The following CDH18 variants were observed in gnomAD, a reference collection of about 807,000 sequenced individuals.
CDH18 encodes the protein cadherin-18.
A neutral mutation model predicts 67.9 loss-of-function variants in CDH18; 31 were observed. The observed-to-expected ratio is 0.46, with a 90% CI of 0.34 to 0.62. CDH18 has a LOEUF of 0.62. Among genes scored for constraint, CDH18 ranks in the 20% least tolerant of loss-of-function variants. CDH18 has a pLI of 0.01. For missense variants in CDH18, 890 were observed against 975.5 expected, an observed-to-expected ratio of 0.91 and a Z score of 1.17; for synonymous variants, 362 against 347.2, an observed-to-expected ratio of 1.04 and a Z score of -0.48.
chr5:19,507,197 A>G (rs1744341006), intron 10 of CDH18, among the ~76,000 whole-genome samples: 1 of 152,310 alleles, frequency 6.6e-6, no homozygotes, highest in African/African-American at 2.4e-5. Context: ...AATCAAAACC[A>G]CAATGAGATA....
intron 3 of CDH18, among the ~76,000 whole-genome samples, chr5:19,757,943 G>T (rs926702700): frequency 1.4e-4 from 22 of 152,156 alleles, no homozygotes; most frequent in Non-Finnish European, 2.9e-4. Context: ...CCACTTTTGG[G>T]TGGTGCCTGA....
chr5:20,274,036 T>C (rs1745628323), intron 1 of CDH18, among the ~76,000 whole-genome samples: 1 of 152,048 alleles, frequency 6.6e-6, no homozygotes, highest in Non-Finnish European at 1.5e-5. Context: ...CAAAACATTA[T>C]GCAACAATGA....
chr5:20,124,674 A>C (rs2126439422), intron 2 of CDH18, among the ~76,000 whole-genome samples: 1 of 152,266 alleles, frequency 6.6e-6, no homozygotes, highest in Admixed American at 6.5e-5. Context: ...TTTTCGTCCA[A>C]GTACGCTAGA....
chr5:19,955,213 GTTAA>G (rs1796150675), intron 2 of CDH18, among the ~76,000 whole-genome samples: 1 of 152,096 alleles, frequency 6.6e-6, no homozygotes, highest in Admixed American at 6.6e-5. Flanking sequence ...TGAACTGTGA[GTTAA>G]TTAAATCTCT....
chr5:20,252,292 A>G (rs1350453622), intron 2 of CDH18, among the ~76,000 whole-genome samples: 2 of 152,026 alleles, frequency 1.3e-5, no homozygotes, highest in Non-Finnish European at 2.9e-5. Flanking sequence ...TGGAGGTTGC[A>G]GTGAGCCTAG....
intron 2 of CDH18, among the ~76,000 whole-genome samples, chr5:20,083,601 C>A (rs890006344): frequency 2.6e-5 from 4 of 152,082 alleles, no homozygotes; most frequent in Non-Finnish European, 4.4e-5. Context: ...TGACATGCCA[C>A]AATATTAAAA....
intron 1 of CDH18, among the ~76,000 whole-genome samples, chr5:20,443,437 T>C (rs187593500): frequency 4.0e-5 from 6 of 151,866 alleles, no homozygotes; most frequent in Admixed American, 3.9e-4. Flanking sequence ...TGTATACTAA[T>C]TGTGTAAAGG....
intron 2 of CDH18, among the ~76,000 whole-genome samples, chr5:19,903,792 T>C (rs1377121243): frequency 6.6e-6 from 1 of 151,876 alleles, no homozygotes; most frequent in East Asian, 1.9e-4. Context: ...TCCTTCCAAA[T>C]TGCATGCTGA....
intron 5 of CDH18, among the ~76,000 whole-genome samples, chr5:19,637,246 T>C (rs1266714453): frequency 1.3e-5 from 2 of 151,914 alleles, no homozygotes; most frequent in Admixed American, 1.3e-4. Context: ...TTGCACAGAG[T>C]ATGTTGTTTT....
intron 2 of CDH18, among the ~76,000 whole-genome samples, chr5:19,958,523 TTA>T (rs1796490507): frequency 6.6e-6 from 1 of 151,902 alleles, no homozygotes; most frequent in Non-Finnish European, 1.5e-5. Flanking sequence ...GGCCAGGTGT[TTA>T]TACCCTCAGT....
At chr5:19,520,606 GC>G (rs1746736759) in intron 10 of CDH18, 50 bp downstream of exon 10, 1 of 1,513,792 alleles carries the variant, frequency 6.6e-7, no homozygotes. Flanking sequence ...AAAAATAAAG[GC>G]GCTTGCATTT....
intron 1 of CDH18, among the ~76,000 whole-genome samples, chr5:20,489,994 C>T (rs922080407): frequency 2.6e-5 from 4 of 151,190 alleles, no homozygotes; most frequent in Non-Finnish European, 5.9e-5. Flanking sequence ...TCCATATGCT[C>T]CATCTTATCT....
intron 2 of CDH18, among the ~76,000 whole-genome samples, chr5:20,226,416 T>C (rs1256275972): frequency 6.6e-6 from 1 of 152,122 alleles, no homozygotes; most frequent in Non-Finnish European, 1.5e-5. Flanking sequence ...GCTTCAATAA[T>C]ATATTGTTTG....
Position 19,740,846 on chromosome 5 carries a change from T to C in CDH18, c.523+6096A>G, listed in dbSNP as rs144973490. On this transcript the variant is annotated intron_variant, in intron 4 of 12. Transcript: ENST00000382275. ...ATATAAATTAGGCATGTAATGTAAC[T>C]ATAGAGAAAGAAATTGAAGAAGTAA... Among the ~76,000 whole-genome samples the C allele has an allele frequency of 4.6e-3, 696 of 152,178 alleles. 4 individuals carry two copies. The highest frequency in any genetic ancestry group is 7.5e-3 in the Non-Finnish European group (507 of 67,962).
intron 1 of CDH18, among the ~76,000 whole-genome samples, chr5:19,983,408 A>G (rs1799257563): frequency 6.6e-6 from 1 of 152,180 alleles, no homozygotes; most frequent in South Asian, 2.1e-4. Context: ...CTTTCAGTGG[A>G]GGCGTCTGCA....
At position 19,725,262 on chromosome 5, in the gene CDH18, G is replaced by T. The variant is rs191271330; in HGVS notation, c.524-3796C>A. ...CTTTTTATGTGATGGCACAACACTT[G>T]ATCCATAACCGATATTCAAGCCTCC... is the stretch of plus-strand genomic sequence containing the variant. On this transcript the variant is annotated intron_variant, in intron 4 of 12. Coordinates refer to ENST00000382275, the MANE Select transcript of CDH18 (RefSeq NM_004934.5). Among the ~76,000 whole-genome samples the T allele has an allele frequency of 4.1e-3, 630 of 152,154 alleles. 2 individuals are homozygous for T. The highest frequency in any genetic ancestry group is 0.014 in the African/African-American group (598 of 41,522).
intron 2 of CDH18, among the ~76,000 whole-genome samples, chr5:19,846,505 G>C (rs1370249613): frequency 3.3e-5 from 5 of 151,998 alleles, no homozygotes; most frequent in African/African-American, 9.7e-5. Context: ...GTTGACCCTT[G>C]AACAGCATAG....
At position 20,288,484 on chromosome 5, in the gene CDH18, CT is replaced by C. The variant is rs1047756594; in HGVS notation, c.-579-32980del. Among the ~76,000 whole-genome samples the C allele has an allele frequency of 7.9e-5, 12 of 151,434 alleles. No individual in the cohort carries two copies. In the East Asian group the frequency reaches 2.3e-3, roughly 29 times the overall value. On this transcript the variant is annotated intron_variant, in intron 1 of 14. Transcript: ENST00000507958. ...ATATATGCATTGAGCCATTACTTTT[CT>C]TCCTGATCATCAGATGTTTTATGAT... is the stretch of plus-strand genomic sequence containing the variant.
chr5:19,788,025 T>C (rs1319410691), intron 3 of CDH18, among the ~76,000 whole-genome samples: 1 of 152,076 alleles, frequency 6.6e-6, no homozygotes, highest in Non-Finnish European at 1.5e-5. Flanking sequence ...CTTTCTTACT[T>C]TGTTGGATCT....
Sources: allele counts gnomAD v4.1 joint callset (sites outside exome capture counted in the v4.1 genomes callset), GRCh38; gene constraint gnomAD v4.1.1; transcripts MANE v1.5; gene names NCBI Gene and HGNC (gene_info 2026-07-23, HGNC 2026-07-21).